Variants in BMP1 observed in about 807,000 individuals in gnomAD.
BMP1 encodes the protein bone morphogenetic protein 1.
In BMP1, 63 loss-of-function variants were observed where a neutral mutation model predicts 116.8. The observed-to-expected ratio is 0.54, with a 90% confidence interval of 0.44 to 0.67. BMP1 has a LOEUF of 0.67. BMP1 is among the 30% of genes least tolerant of loss of function. The pLI is 0.00. For synonymous variants in BMP1, 536 were observed against 533.4 expected (o/e 1.00, Z -0.07); for missense variants, 1,183 against 1,358.9 (o/e 0.87, Z 2.04).
chr8:22,200,161 T>A (rs140645009), intron 15 of BMP1, among the ~76,000 whole-genome samples: 2 of 152,328 alleles, frequency 1.3e-5, no homozygotes, highest in African/African-American at 2.4e-5. Flanking sequence ...CAGACAGACC[T>A]GAGTGTATGT....
rs191287130 is a variant in BMP1 at position 22,185,223 on chromosome 8, G to A, written c.1077+4740G>A. On this transcript the variant is annotated intron_variant, in intron 8 of 19. Coordinates refer to ENST00000306385, the MANE Select transcript of BMP1 (RefSeq NM_006129.5). ...TCCCAGCACTTTGGGAGGTCGAGGC[G>A]GGTGGATCACTTGAGGTCAGGGGTT... Among the ~76,000 whole-genome samples, 372 of 152,190 alleles carry A rather than the reference G, an allele frequency of 2.4e-3. 1 individual carries two copies. Among genetic ancestry groups the A allele is most frequent in the Middle Eastern group, 0.017 (5 of 294 alleles).
At position 22,179,572 on chromosome 8, in the gene BMP1, C is replaced by G; in HGVS notation, c.837-133C>G. The G allele has an allele frequency of 6.6e-7, 1 of 1,508,898 alleles. No individual in the cohort carries two copies. The highest frequency in any genetic ancestry group is 9.0e-7 in the Non-Finnish European group (1 of 1,116,444). 93.5% of individuals were successfully genotyped at this position (1,508,898 alleles called of 1,614,324 possible). Reference sequence around the variant, plus strand: ...ATAATGACAGGGTGAGACGACTCCACCCGGCCCTGACCCTGCTGAGGAATG... The same window carrying G: ...ATAATGACAGGGTGAGACGACTCCAGCCGGCCCTGACCCTGCTGAGGAATG... On this transcript the variant is annotated intron_variant, in intron 6 of 19. Coordinates refer to ENST00000306385, the MANE Select transcript of BMP1 (RefSeq NM_006129.5). This position sits in a 1 kb window ranked among gnomAD's most constrained non-coding sequence, Gnocchi z 4.6.
chr8:22,211,055 G>A (rs1268212359), intron 19 of BMP1, among the ~76,000 whole-genome samples: 1 of 152,190 alleles, frequency 6.6e-6, no homozygotes, highest in African/African-American at 2.4e-5. Context: ...GAGGAGAGGC[G>A]GGGCAAGGGG....
Position 22,179,793 on chromosome 8 carries a change from G to A in BMP1, c.925G>A (p.Asp309Asn). The A allele has an allele frequency of 6.2e-7, 1 of 1,614,130 alleles. No homozygotes were observed. Among genetic ancestry groups the A allele is most frequent in the Non-Finnish European group, 8.5e-7 (1 of 1,179,980 alleles). The change falls in exon 7 of 20, where the codon GAC (aspartate) becomes AAC (asparagine). Residue 309 changes from aspartate to asparagine, a missense_variant. Coordinates refer to ENST00000306385, the MANE Select transcript of BMP1 (RefSeq NM_006129.5). This position sits in a 1 kb window ranked among gnomAD's most constrained non-coding sequence, Gnocchi z 4.6. ...CCAAAGGACACGGCTCAGCAAGGGG[G>A]ACATTGCCCAAGCCCGCAAGCTTTA... ...IGQRTRLSKG[D>N]IAQARKLYKC...
intron 15 of BMP1, among the ~76,000 whole-genome samples, chr8:22,200,262 T>G (rs1167262285): frequency 6.6e-6 from 1 of 152,246 alleles, no homozygotes; most frequent in Non-Finnish European, 1.5e-5. Context: ...TGTGTGGGTC[T>G]GTGACACGTG....
intron 1 of BMP1, chr8:22,171,668 G>A (rs939610403): frequency 1.3e-5 from 2 of 152,130 alleles, no homozygotes; most frequent in Admixed American, 6.5e-5. Context: ...ACTGGGAATG[G>A]GGAGGCCTGA....
chr8:22,197,495 C>T, intron 15 of BMP1, 75 bp downstream of exon 15: 1 of 1,488,922 alleles, frequency 6.7e-7, no homozygotes. Flanking sequence ...TGCCCCTGCA[C>T]CCCTGTACTC....
chr8:22,182,944 T>C (rs1039203169), intron 8 of BMP1, among the ~76,000 whole-genome samples: 9 of 152,270 alleles, frequency 5.9e-5, no homozygotes, highest in Non-Finnish European at 1.3e-4. Context: ...TTCTATGTTA[T>C]TGAGCTTCTA....
rs748589871 is a variant in BMP1, at chr8:22,194,069, G to A, written c.1192G>A (p.Gly398Arg). 30 of 1,614,020 alleles carry A rather than the reference G, an allele frequency of 1.9e-5. No individual in the cohort carries two copies. Among genetic ancestry groups the A allele is most frequent in the Non-Finnish European group, 2.4e-5 (28 of 1,180,010 alleles). ...RKAPLRGRFC[G>R]SKLPEPIVST... is the part of the protein sequence containing the mutation. ...CACTGTCTGTGCAGGCCGCTTCTGC[G>A]GGTCCAAACTCCCTGAGCCTATCGT... is the stretch of plus-strand genomic sequence containing the variant. Residue 398 changes from glycine to arginine, a missense_variant, in exon 10 of 20, where the codon GGG becomes AGG. Coordinates refer to ENST00000306385, the MANE Select transcript of BMP1 (RefSeq NM_006129.5). The surrounding 1 kb of genome is among the most constrained non-coding windows in gnomAD (Gnocchi z 4.5).
chr8:22,201,091 C>G (rs757221526), intron 15 of BMP1: 1 of 1,603,802 alleles, frequency 6.2e-7, no homozygotes, highest in South Asian at 1.1e-5. Flanking sequence ...CCCTTGGTCC[C>G]TTTTCTCCTT....
intron 8 of BMP1, among the ~76,000 whole-genome samples, chr8:22,184,894 G>C (rs1234284903): frequency 1.3e-5 from 2 of 152,220 alleles, no homozygotes; most frequent in Non-Finnish European, 2.9e-5. Flanking sequence ...GATGGACTTT[G>C]CCGTCTATTT....
intron 16 of BMP1, among the ~76,000 whole-genome samples, chr8:22,202,233 A>C (rs1455179864): frequency 3.3e-5 from 5 of 152,216 alleles, no homozygotes. Flanking sequence ...TCCTACCGGC[A>C]CAGAGGCGAG....
intron 9 of BMP1, among the ~76,000 whole-genome samples, chr8:22,193,440 A>AT (rs1828990461): frequency 6.6e-6 from 1 of 152,214 alleles, no homozygotes; most frequent in African/African-American, 2.4e-5. Context: ...AATGATGGTA[A>AT]TATGCTCTTT....
chr8:22,200,401 C>T (rs1009619661), intron 15 of BMP1, among the ~76,000 whole-genome samples: 1 of 152,160 alleles, frequency 6.6e-6, no homozygotes, highest in African/African-American at 2.4e-5. Context: ...TGTGTCTGTG[C>T]CTGTGTGTGC....
At chr8:22,200,993 G>T in intron 15 of BMP1, 1 of 122,934 alleles carries the variant, frequency 8.1e-6, no homozygotes, top group Non-Finnish European at 1.6e-5. Flanking sequence ...CTGCCCTCCC[G>T]CCCCACCCTG....
intron 16 of BMP1, 60 bp from the exon 17 acceptor site, chr8:22,206,794 C>G (rs1829365232): frequency 6.2e-7 from 1 of 1,608,256 alleles, no homozygotes; most frequent in African/African-American, 1.3e-5. Context: ...GCCTTCCCCA[C>G]AGGAGGCATC....
chr8:22,209,807 G>C (rs1829429501), intron 19 of BMP1, 112 bp downstream of exon 19: 1 of 1,251,272 alleles, frequency 8.0e-7, no homozygotes, highest in Admixed American at 2.0e-5. Context: ...CCCGGAAGTT[G>C]AGTGCAGCAC....
chr8:22,208,676 T>C (rs1056552313), intron 18 of BMP1, among the ~76,000 whole-genome samples: 1 of 152,208 alleles, frequency 6.6e-6, no homozygotes, highest in African/African-American at 2.4e-5. Context: ...AGAGAAAGGC[T>C]GGAGTCCAGG....
At chr8:22,173,788 T>A (rs772565836) in intron 2 of BMP1, 73 bp downstream of exon 2, 57 of 1,288,338 alleles carry the variant, frequency 4.4e-5, no homozygotes, top group Non-Finnish European at 5.9e-5. Context: ...GGAATCTCCC[T>A]GTTCCCAGCC....
Sources: gnomAD v4.1 joint callset for allele counts (sites outside exome capture counted in the v4.1 genomes callset) on GRCh38, gnomAD v4.1.1 for gene constraint, Gnocchi (gnomAD v3.1) non-coding constraint, MANE v1.5 for transcripts, NCBI Gene and HGNC (gene_info 2026-07-23, HGNC 2026-07-21) for gene names.